The following KLLN variants were observed in gnomAD, a reference collection of about 807,000 sequenced individuals.
KLLN encodes the protein killin.
For synonymous variants in KLLN, 142 were observed against 102.2 expected (o/e 1.39, Z -2.35); for missense variants, 340 against 241.3 (o/e 1.41, Z -2.71).
At position 87,862,121 on chromosome 10, in the gene KLLN, G is replaced by A. The variant is rs908223198; in HGVS notation, c.367C>T (p.Arg123Cys). ...TTCCCCAAGCGCCAGCCCCGACAGC[G>A]CTCCTTCGGGAGGCTGGTCCGAGCC... ...TGARTSLPKE[R>C]CRGWRLGNWL... The change falls in exon 1 of 1, where the codon CGC becomes TGC. Residue 123 changes from arginine (R) to cysteine (C), a missense_variant. Transcript: ENST00000445946. 1.9e-6 allele frequency: 3 copies of A among 1,546,518 alleles called. No homozygotes were observed. The highest frequency in any genetic ancestry group is 4.9e-5 in the East Asian group (2 of 40,836).
At position 87,862,448 on chromosome 10, in the gene KLLN, T is replaced by A. The variant is rs1242864703; in HGVS notation, c.40A>T (p.Thr14Ser). 1.1e-5 allele frequency: 17 copies of A among 1,550,362 alleles called. No individual in the cohort carries two copies. Among genetic ancestry groups the A allele is most frequent in the Non-Finnish European group, 1.5e-5 (17 of 1,146,212 alleles). Residue 14 changes from threonine to serine, a missense_variant, in exon 1 of 1, where the codon ACC (threonine) becomes TCC (serine). Physicochemically the swap from Thr to Ser is moderately conservative, Grantham distance 58. Transcript: ENST00000445946. ...PGPGSARPGR[T>S]VHVWGYRVEW... ...ACCCGGTAACCCCAAACGTGCACGG[T>A]CCGGCCGGGGCGCGCGGAGCCTGGC...
rs1554889769 is a variant in KLLN, at chr10:87,863,145, C to G, written c.-658G>C. The stretch of plus-strand genomic sequence containing the variant: ...TCAGACTCGAGTCAGTGACACTGCT[C>G]AACGCACCCATCTCAGCTTTCATCA... On this transcript the variant is annotated 5_prime_UTR_variant, in exon 1 of 1. Coordinates refer to ENST00000445946, the MANE Select transcript of KLLN (RefSeq NM_001126049.2). 5.6e-6 allele frequency: 1 copy of G among 178,808 alleles called. No homozygotes were observed. The highest frequency in any genetic ancestry group is 2.4e-5 in the African/African-American group (1 of 41,784). 11.1% of individuals were successfully genotyped at this position (178,808 alleles called of 1,614,324 possible). A position where few individuals can be genotyped will look rare whatever the true frequency, so the allele number is the denominator to read the frequency against.
Position 87,861,297 on chromosome 10 carries a change from A to C in KLLN, c.*654T>G, listed in dbSNP as rs982227448. On this transcript the variant is annotated 3_prime_UTR_variant, in exon 1 of 1. Coordinates refer to ENST00000445946, the MANE Select transcript of KLLN (RefSeq NM_001126049.2). Reference sequence around the variant, plus strand: ...CAGTACTCTTTCTCAAATACAGCATAAACCCTCTTTAGACTTTGCTAGGCA... The same window carrying C: ...CAGTACTCTTTCTCAAATACAGCATCAACCCTCTTTAGACTTTGCTAGGCA... 2 of 152,260 alleles carry C rather than the reference A, an allele frequency of 1.3e-5. No homozygotes were observed. Among genetic ancestry groups the C allele is most frequent in the African/African-American group, 4.8e-5 (2 of 41,458 alleles). 9.4% of individuals were successfully genotyped at this position (152,260 alleles called of 1,614,324 possible).
rs786203674 is a variant in KLLN, at chr10:87,863,315, G to C, written c.-828C>G. On this transcript the variant is annotated 5_prime_UTR_variant, in exon 1 of 1. Transcript: ENST00000445946. Reference sequence around the variant, plus strand: ...AGCTGCAGGCTGGCGGCTGGGAACCGGCCCGAGCAAGCCCCAGGCAGCTAC... The same window carrying C: ...AGCTGCAGGCTGGCGGCTGGGAACCCGCCCGAGCAAGCCCCAGGCAGCTAC... 1 of 276,852 alleles carries C rather than the reference G, an allele frequency of 3.6e-6. No individual in the cohort carries two copies. The highest frequency in any genetic ancestry group is 7.2e-6 in the Non-Finnish European group (1 of 138,468). The allele number at this position is 276,852 out of a possible 1,614,324, so 17.1% of individuals were successfully genotyped here.
rs974638148 is a variant in KLLN at position 87,862,832 on chromosome 10, C to T, written c.-345G>A. On this transcript the variant is annotated 5_prime_UTR_variant, in exon 1 of 1. It adds an upstream start codon to the 5' untranslated region. Coordinates refer to ENST00000445946, the MANE Select transcript of KLLN (RefSeq NM_001126049.2). ...CAAGGGAGCCGGATGAGGTGATACA[C>T]GCTGGCGACACAATAGCAGGTTGCT... 2.4e-5 allele frequency: 9 copies of T among 375,832 alleles called. No individual in the cohort carries two copies. Among genetic ancestry groups the T allele is most frequent in the Admixed American group, 2.1e-4 (5 of 23,882 alleles). 23.3% of individuals were successfully genotyped at this position (375,832 alleles called of 1,614,324 possible). A position where few individuals can be genotyped will look rare whatever the true frequency, so the allele number is the denominator to read the frequency against.
In KLLN at chr10:87,863,412, T is replaced by G. The variant is rs1475727264; in HGVS notation, c.-925A>C. The G allele has an allele frequency of 1.1e-5, 4 of 366,382 alleles. No homozygotes were observed. Among genetic ancestry groups the G allele is most frequent in the Non-Finnish European group, 2.0e-5 (4 of 202,380 alleles). The allele number at this position is 366,382 out of a possible 1,614,324, so 22.7% of individuals were successfully genotyped here. A position where few individuals can be genotyped will look rare whatever the true frequency, so the allele number is the denominator to read the frequency against. ...CACCCAGAGCTACCGCTCTGCCCCC[T>G]CCTACCGCCCCCTGCCCTGCCCTGC... On this transcript the variant is annotated 5_prime_UTR_variant, in exon 1 of 1. Coordinates refer to ENST00000445946, the MANE Select transcript of KLLN (RefSeq NM_001126049.2).
chr10:87,863,475 T>TCGCCTCC lies in KLLN; in HGVS notation c.-995_-989dup. On this transcript the variant is annotated 5_prime_UTR_variant, in exon 1 of 1. Coordinates refer to ENST00000445946, the MANE Select transcript of KLLN (RefSeq NM_001126049.2). ...CGGCGCGGTCCCGTCCGCCTCTCGC[T>TCGCCTCC]CGCCTCCCGCCTCCCCTCGGTCTTC... The TCGCCTCC allele has an allele frequency of 2.6e-6, 1 of 381,418 alleles. No homozygotes were observed. Among genetic ancestry groups the TCGCCTCC allele is most frequent in the East Asian group, 3.7e-5 (1 of 26,940 alleles). The allele number at this position is 381,418 out of a possible 1,614,324, so 23.6% of individuals were successfully genotyped here. A position where few individuals can be genotyped will look rare whatever the true frequency, so the allele number is the denominator to read the frequency against.
Position 87,859,820 on chromosome 10 carries a change from G to A in KLLN, c.*2131C>T, listed in dbSNP as rs1313551862. 1 of 152,188 alleles carries A rather than the reference G, an allele frequency of 6.6e-6. No homozygotes were observed. Among genetic ancestry groups the A allele is most frequent in the East Asian group, 1.9e-4 (1 of 5,196 alleles). 9.4% of individuals were successfully genotyped at this position (152,188 alleles called of 1,614,324 possible). On this transcript the variant is annotated 3_prime_UTR_variant, in exon 1 of 1. Transcript: ENST00000445946. The stretch of plus-strand genomic sequence containing the variant: ...TGGCGGGCAGATCACGAGGTCAGGA[G>A]ATCGAGACCATCCTGACCAACATGG...
Position 87,862,062 on chromosome 10 carries a change from G to A in KLLN, c.426C>T (p.Cys142=), listed in dbSNP as rs1447866530. The A allele has an allele frequency of 2.0e-6, 3 of 1,498,856 alleles. No individual in the cohort carries two copies. The highest frequency in any genetic ancestry group is 4.7e-5 in the Admixed American group (2 of 42,982). The allele number at this position is 1,498,856 out of a possible 1,614,324, so 92.8% of individuals were successfully genotyped here. A position where few individuals can be genotyped will look rare whatever the true frequency, so the allele number is the denominator to read the frequency against. The change falls in exon 1 of 1, where the codon TGC becomes TGT. Residue 142 remains cysteine (C), a synonymous_variant. Coordinates refer to ENST00000445946, the MANE Select transcript of KLLN (RefSeq NM_001126049.2). ...WLHKHPHPNT[C]PRLPACWLPP... ...GCAGCCAGCAGGCGGGGAGGCGGGG[G>A]CACGTGTTTGGATGTGGGTGCTTGT...
chr10:87,861,690 T>A lies in KLLN; in HGVS notation c.*261A>T. 2.4e-6 allele frequency: 1 copy of A among 414,682 alleles called. No individual in the cohort carries two copies. Among genetic ancestry groups the A allele is most frequent in the Non-Finnish European group, 4.3e-6 (1 of 233,076 alleles). 25.7% of individuals were successfully genotyped at this position (414,682 alleles called of 1,614,324 possible). A position where few individuals can be genotyped will look rare whatever the true frequency, so the allele number is the denominator to read the frequency against. ...CCATTGACTAGGTTCTCAGACCAGA[T>A]AAGTCACTTGGCTGAGTCCACAGTA... On this transcript the variant is annotated 3_prime_UTR_variant, in exon 1 of 1. Coordinates refer to ENST00000445946, the MANE Select transcript of KLLN (RefSeq NM_001126049.2).
rs765413745 is a variant in KLLN at position 87,862,112 on chromosome 10, C to T, written c.376G>A (p.Gly126Ser). The change falls in exon 1 of 1, where the codon GGC becomes AGC. Residue 126 changes from glycine to serine, a missense_variant. Gly to Ser is a moderately conservative substitution (Grantham distance 56). Transcript: ENST00000445946. ...RTSLPKERCR[G>S]WRLGNWLHKH... is the part of the protein sequence containing the mutation. ...TGTAACCAGTTCCCCAAGCGCCAGC[C>T]CCGACAGCGCTCCTTCGGGAGGCTG... is the stretch of plus-strand genomic sequence containing the variant. 1.2e-4 allele frequency: 192 copies of T among 1,544,004 alleles called. No individual in the cohort carries two copies. Among genetic ancestry groups the T allele is most frequent in the Non-Finnish European group, 1.6e-4 (183 of 1,142,678 alleles).
At position 87,862,563 on chromosome 10, in the gene KLLN, G is replaced by T; in HGVS notation, c.-76C>A. ...GAGAACCGAGCTTGACTCCGACGCC[G>T]CGAACCGACCTGGAGCCCGAGGGGA... On this transcript the variant is annotated 5_prime_UTR_variant, in exon 1 of 1. Transcript: ENST00000445946. 1 of 1,349,900 alleles carries T rather than the reference G, an allele frequency of 7.4e-7. No homozygotes were observed. Among genetic ancestry groups the T allele is most frequent in the Non-Finnish European group, 1.0e-6 (1 of 996,402 alleles). The allele number at this position is 1,349,900 out of a possible 1,614,324, so 83.6% of individuals were successfully genotyped here.
Position 87,859,640 on chromosome 10 carries a change from C to T in KLLN, c.*2311G>A, listed in dbSNP as rs887953117. The T allele has an allele frequency of 5.3e-5, 8 of 152,158 alleles. No homozygotes were observed. Among genetic ancestry groups the T allele is most frequent in the Admixed American group, 3.9e-4 (6 of 15,284 alleles). 9.4% of individuals were successfully genotyped at this position (152,158 alleles called of 1,614,324 possible). ...TAGTTTACCATGCTTACTAATCAATCTACATAGTCACCCTGAAGCTTTATA... is the reference window on the plus strand; with the variant it reads ...TAGTTTACCATGCTTACTAATCAATTTACATAGTCACCCTGAAGCTTTATA... On this transcript the variant is annotated 3_prime_UTR_variant, in exon 1 of 1. Coordinates refer to ENST00000445946, the MANE Select transcript of KLLN (RefSeq NM_001126049.2).
In KLLN at chr10:87,862,027, A is replaced by C; in HGVS notation, c.461T>G (p.Leu154Arg). The C allele has an allele frequency of 6.7e-7, 1 of 1,485,540 alleles. No homozygotes were observed. The highest frequency in any genetic ancestry group is 9.0e-7 in the Non-Finnish European group (1 of 1,115,942). The allele number at this position is 1,485,540 out of a possible 1,614,324, so 92.0% of individuals were successfully genotyped here. The change falls in exon 1 of 1, where the codon CTT (leucine) becomes CGT (arginine). Residue 154 changes from leucine to arginine, a missense_variant. By Grantham distance (102) the Leu-to-Arg change is moderately radical. Coordinates refer to ENST00000445946, the MANE Select transcript of KLLN (RefSeq NM_001126049.2). ...GGGGACTCTCTCCCCGCGTTCTGTA[A>C]GAATCGGCGGCAGCCAGCAGGCGGG... The part of the protein sequence containing the change: ...RLPACWLPPI[L>R]TERGERVPKL...
rs1858233649 is a variant in KLLN, at chr10:87,860,087, A to G, written c.*1864T>C. ...TGGAGACCAGTGTATTGTAATATCTATACAGCCAAGCAGGTATTTTCAACT... is the reference window on the plus strand; with the variant it reads ...TGGAGACCAGTGTATTGTAATATCTGTACAGCCAAGCAGGTATTTTCAACT... On this transcript the variant is annotated 3_prime_UTR_variant, in exon 1 of 1. Coordinates refer to ENST00000445946, the MANE Select transcript of KLLN (RefSeq NM_001126049.2). 6.6e-6 allele frequency: 1 copy of G among 151,842 alleles called. No individual in the cohort carries two copies. Among genetic ancestry groups the G allele is most frequent in the Admixed American group, 6.6e-5 (1 of 15,240 alleles). The allele number at this position is 151,842 out of a possible 1,614,324, so 9.4% of individuals were successfully genotyped here.
chr10:87,862,271 G>C lies in KLLN; in HGVS notation c.217C>G (p.Leu73Val). Residue 73 changes from leucine (L) to valine (V), a missense_variant, in exon 1 of 1, where the codon CTT becomes GTT. Coordinates refer to ENST00000445946, the MANE Select transcript of KLLN (RefSeq NM_001126049.2). ...TCACTGGGGAGTGGGAATTTGGAAA[G>C]TTCCCCAACTAGGGACACACGTGAC... ...RRSRVSLVGE[L>V]SKFPLPSDSS... The C allele has an allele frequency of 6.4e-7, 1 of 1,551,736 alleles. No homozygotes were observed. Among genetic ancestry groups the C allele is most frequent in the Non-Finnish European group, 8.7e-7 (1 of 1,146,982 alleles).
rs935608831 is a variant in KLLN at position 87,860,550 on chromosome 10, C to T, written c.*1401G>A. 1.3e-5 allele frequency: 2 copies of T among 152,212 alleles called. No individual in the cohort carries two copies. Among genetic ancestry groups the T allele is most frequent in the Admixed American group, 6.5e-5 (1 of 15,278 alleles). The allele number at this position is 152,212 out of a possible 1,614,324, so 9.4% of individuals were successfully genotyped here. On this transcript the variant is annotated 3_prime_UTR_variant, in exon 1 of 1. Transcript: ENST00000445946. Reference sequence around the variant, plus strand: ...TCTGTCGCACCAGGACAGGAATGCACCCTTGTTTCATTTGCTTCCATGAAA... The same window carrying T: ...TCTGTCGCACCAGGACAGGAATGCATCCTTGTTTCATTTGCTTCCATGAAA...
At position 87,861,899 on chromosome 10, in the gene KLLN, T is replaced by G; in HGVS notation, c.*52A>C. On this transcript the variant is annotated 3_prime_UTR_variant, in exon 1 of 1. Transcript: ENST00000445946. ...CTAGCGCCCAGCTCCTTTTCCCACG[T>G]TTGGGAAGGCGCAGAATAGGTCGAT... 2.8e-6 allele frequency: 4 copies of G among 1,416,944 alleles called. No homozygotes were observed. The highest frequency in any genetic ancestry group is 2.9e-5 in the Admixed American group (1 of 34,412). 87.8% of individuals were successfully genotyped at this position (1,416,944 alleles called of 1,614,324 possible). A position where few individuals can be genotyped will look rare whatever the true frequency, so the allele number is the denominator to read the frequency against.
Position 87,861,724 on chromosome 10 carries a change from G to A in KLLN, c.*227C>T, listed in dbSNP as rs1858258987. On this transcript the variant is annotated 3_prime_UTR_variant, in exon 1 of 1. Coordinates refer to ENST00000445946, the MANE Select transcript of KLLN (RefSeq NM_001126049.2). ...TGGCTGAGTCCACAGTAGGTGGGGCGCGCTCACCAGCTCAGGGGTAGTGAC... is the reference window on the plus strand; with the variant it reads ...TGGCTGAGTCCACAGTAGGTGGGGCACGCTCACCAGCTCAGGGGTAGTGAC... 1.9e-5 allele frequency: 9 copies of A among 462,024 alleles called. No homozygotes were observed. The East Asian group carries it at 2.9e-4, about 15-fold the overall frequency. 28.6% of individuals were successfully genotyped at this position (462,024 alleles called of 1,614,324 possible).
Sources: gnomAD v4.1 joint callset for allele counts on GRCh38, gnomAD v4.1.1 for gene constraint, MANE v1.5 for transcripts, NCBI Gene and HGNC (gene_info 2026-07-23, HGNC 2026-07-21) for gene names.